PCM1: variants seen among roughly 807,000 people sequenced by gnomAD.
PCM1 encodes pericentriolar material 1, also known as pericentriolar material 1 protein.
A neutral mutation model predicts 241.9 loss-of-function variants in PCM1; 157 were observed. The observed-to-expected ratio is 0.65, with a 90% CI of 0.57 to 0.74. The LOEUF is 0.74. Ranked by LOEUF, PCM1 falls within the 30% of genes least tolerant of loss-of-function variation. The pLI is 0.00. For missense variants in PCM1, 3,478 were observed against 2,360.1 expected, an observed-to-expected ratio of 1.47 and a Z score of -9.81; for synonymous variants, 1,085 against 784.9, an observed-to-expected ratio of 1.38 and a Z score of -6.39.
At position 17,991,692 on chromosome 8, in the gene PCM1, A is replaced by G. The variant is rs2084682685; in HGVS notation, c.4682A>G (p.Asn1561Ser). 6.5e-7 allele frequency: 1 copy of G among 1,548,150 alleles called. No homozygotes were observed. The highest frequency in any genetic ancestry group is 1.4e-5 in the African/African-American group (1 of 72,842). ...DGAGAGTTVNNLEETPVIENR... is the reference protein window; with the variant it reads ...DGAGAGTTVNSLEETPVIENR... ...GCTGGTGCAGGTACTACAGTTAATAATTTAGAAGGTATATATTTTTGTTTT... is the reference window on the plus strand; with the variant it reads ...GCTGGTGCAGGTACTACAGTTAATAGTTTAGAAGGTATATATTTTTGTTTT... The change falls in exon 28 of 39, where the codon AAT becomes AGT. Residue 1561 changes from asparagine to serine, a missense_variant. Transcript: ENST00000325083.
chr8:18,020,685 GAACT>G, intron 36 of PCM1, among the ~76,000 whole-genome samples: 1 of 152,330 alleles, frequency 6.6e-6, no homozygotes, highest in Middle Eastern at 3.4e-3. Context: ...AACTCAGTAT[GAACT>G]AATAGAAAAG....
In PCM1 at chr8:17,999,563, G is replaced by GCT. The variant is rs200589798; in HGVS notation, c.4827+5948_4827+5949dup. On this transcript the variant is annotated intron_variant, in intron 29 of 38. Coordinates refer to ENST00000325083, the MANE Select transcript of PCM1 (RefSeq NM_006197.4). ...CAACACAAAGTCCTTTTTACTCCTTGCTCTCGTCTCCTCAAGCAGAAGGAG... is the reference window on the plus strand; with the variant it reads ...CAACACAAAGTCCTTTTTACTCCTTGCTCTCTCGTCTCCTCAAGCAGAAGGAG... Among the ~76,000 whole-genome samples, 1,199 of 152,058 alleles carry GCT rather than the reference G, an allele frequency of 7.9e-3. 11 individuals carry two copies. The highest frequency in any genetic ancestry group is 0.026 in the African/African-American group (1,081 of 41,462).
intron 3 of PCM1, 110 bp from the exon 4 acceptor site, chr8:17,937,024 A>C: frequency 1.2e-6 from 1 of 818,142 alleles, no homozygotes; most frequent in Non-Finnish European, 1.9e-6. Flanking sequence ...GTCTGTCAAA[A>C]ATGTCTTGTC....
intron 36 of PCM1, among the ~76,000 whole-genome samples, chr8:18,023,873 C>T (rs1365186191): frequency 6.6e-6 from 1 of 152,168 alleles, no homozygotes; most frequent in Admixed American, 6.5e-5. Context: ...CCCAACATAA[C>T]TTTTGATGAT....
At chr8:17,952,834 G>A in intron 8 of PCM1, 136 bp from the exon 9 acceptor site, 1 of 599,494 alleles carries the variant, frequency 1.7e-6, no homozygotes, top group Non-Finnish European at 2.9e-6. Context: ...AATAGTAAGG[G>A]TATATACTTA....
rs1439718248 is a variant in PCM1 at position 18,027,740 on chromosome 8, A to T, written c.*78A>T. 1.9e-6 allele frequency: 2 copies of T among 1,031,612 alleles called. No homozygotes were observed. Among genetic ancestry groups the T allele is most frequent in the African/African-American group, 3.2e-5 (2 of 63,238 alleles). 63.9% of individuals were successfully genotyped at this position (1,031,612 alleles called of 1,614,324 possible). On this transcript the variant is annotated 3_prime_UTR_variant, in exon 39 of 39. Coordinates refer to ENST00000325083, the MANE Select transcript of PCM1 (RefSeq NM_006197.4). ...GAAAACAATACTAAATAAACATCTGATCTGTATAAAAATGTAAATTAGTTT... is the reference window on the plus strand; with the variant it reads ...GAAAACAATACTAAATAAACATCTGTTCTGTATAAAAATGTAAATTAGTTT...
At position 18,028,175 on chromosome 8, in the gene PCM1, G is replaced by A. The variant is rs1382228549; in HGVS notation, c.*513G>A. On this transcript the variant is annotated 3_prime_UTR_variant, in exon 39 of 39. Transcript: ENST00000325083. ...GATGTTCTTCTTTTAGATACCTGCA[G>A]GTCCTATTCCTGTGCAAGAATAGGG... 1 of 193,048 alleles carries A rather than the reference G, an allele frequency of 5.2e-6. No individual in the cohort carries two copies. The highest frequency in any genetic ancestry group is 1.1e-5 in the Non-Finnish European group (1 of 92,716). The allele number at this position is 193,048 out of a possible 1,614,324, so 12.0% of individuals were successfully genotyped here. A position where few individuals can be genotyped will look rare whatever the true frequency, so the allele number is the denominator to read the frequency against.
At chr8:17,946,994 A>T (rs1022633555) in intron 6 of PCM1, among the ~76,000 whole-genome samples, 192 bp from the exon 7 acceptor site, 2 of 151,632 alleles carry the variant, frequency 1.3e-5, no homozygotes, top group Non-Finnish European at 2.9e-5. Context: ...TTACCTCTTA[A>T]GTGGCAGGCT....
rs2077184504 is a variant in PCM1 at position 17,972,516 on chromosome 8, C to T, written c.3772C>T (p.Leu1258=). The T allele has an allele frequency of 5.6e-6, 9 of 1,613,934 alleles. No individual in the cohort carries two copies. The highest frequency in any genetic ancestry group is 5.3e-5 in the African/African-American group (4 of 75,058). Residue 1258 remains leucine, a synonymous_variant, in exon 23 of 39, where the codon CTG becomes TTG. Transcript: ENST00000325083. Reference sequence around the variant, plus strand: ...AAGACGCCAGTTTGATGAAGAATCACTGGAAAGCTTTAGCAGTATGCCTGA... The same window carrying T: ...AAGACGCCAGTTTGATGAAGAATCATTGGAAAGCTTTAGCAGTATGCCTGA... ...GRRRQFDEES[L]ESFSSMPDPV... is the part of the protein sequence containing the mutation.
chr8:17,955,797 G>A (rs2068093365), intron 10 of PCM1, 144 bp downstream of exon 10: 1 of 673,166 alleles, frequency 1.5e-6, no homozygotes, highest in Non-Finnish European at 2.6e-6. Context: ...AGAGGCGTGT[G>A]TGTGTTGTGT....
chr8:17,983,142 C>T, intron 24 of PCM1: 1 of 504,302 alleles, frequency 2.0e-6, no homozygotes, highest in Non-Finnish European at 3.0e-6. Flanking sequence ...TCGCTTATTT[C>T]TTTTTTTCAT....
At chr8:17,974,021 T>C (rs1418047268) in intron 23 of PCM1, among the ~76,000 whole-genome samples, 2 of 152,246 alleles carry the variant, frequency 1.3e-5, no homozygotes, top group African/African-American at 2.4e-5. Context: ...CCTTGGCTCC[T>C]ACCTTGAACC....
intron 34 of PCM1, among the ~76,000 whole-genome samples, chr8:18,012,208 A>T (rs2092618253): frequency 6.6e-6 from 1 of 152,074 alleles, no homozygotes; most frequent in Non-Finnish European, 1.5e-5. Flanking sequence ...GGTGTGATTA[A>T]ATTTCACACC....
rs2092342142 is a variant in PCM1, at chr8:18,010,592, ATTGAT to A, written c.5161-13_5161-9del. 1 of 1,572,516 alleles carries A rather than the reference ATTGAT, an allele frequency of 6.4e-7. No individual in the cohort carries two copies. The highest frequency in any genetic ancestry group is 1.2e-5 in the South Asian group (1 of 86,246). ...TAAGTATGTTGCTAAATTCTGTGTA[ATTGAT>A]TTGTTTTAAAGGCTAAAAGGATTCT... On this transcript the variant is annotated splice_polypyrimidine_tract_variant and intron_variant, in intron 31 of 38. Transcript: ENST00000325083.
intron 22 of PCM1, among the ~76,000 whole-genome samples, chr8:17,971,226 G>C (rs2076746410): frequency 1.3e-5 from 2 of 152,172 alleles, no homozygotes; most frequent in Non-Finnish European, 2.9e-5. Context: ...CAGGCAGCAG[G>C]CTGAATTTGG....
intron 27 of PCM1, 55 bp downstream of exon 27, chr8:17,990,034 C>G (rs2083980808): frequency 4.3e-6 from 6 of 1,394,406 alleles, no homozygotes; most frequent in Admixed American, 2.8e-5. Context: ...CTGGTCCAGT[C>G]TTTGAATTGG....
At chr8:18,003,438 T>A (rs973230194) in intron 29 of PCM1, among the ~76,000 whole-genome samples, 1 of 152,192 alleles carries the variant, frequency 6.6e-6, no homozygotes, top group African/African-American at 2.4e-5. Context: ...CCACATTATG[T>A]CCTTTACCTA....
Position 17,957,710 on chromosome 8 carries a change from A to G in PCM1, c.1975A>G (p.Ile659Val). ...AGAAGATGCTGAATTTGAACAGAAGATCAACCGACTTATGGCTGCAAAACA... is the reference window on the plus strand; with the variant it reads ...AGAAGATGCTGAATTTGAACAGAAGGTCAACCGACTTATGGCTGCAAAACA... The part of the protein sequence containing the change: ...HPEDAEFEQK[I>V]NRLMAAKQKL... The change falls in exon 13 of 39, where the codon ATC becomes GTC. Residue 659 changes from isoleucine (I) to valine (V), a missense_variant. Ile to Val is a conservative substitution (Grantham distance 29). Transcript: ENST00000325083. 3 of 1,613,520 alleles carry G rather than the reference A, an allele frequency of 1.9e-6. No homozygotes were observed. The highest frequency in any genetic ancestry group is 2.5e-6 in the Non-Finnish European group (3 of 1,179,708).
At chr8:18,010,569 A>AGTAT in intron 31 of PCM1, 40 bp from the exon 32 acceptor site, 1 of 1,445,160 alleles carries the variant, frequency 6.9e-7, no homozygotes, top group Non-Finnish European at 9.6e-7. Context: ...TATGTATCTA[A>AGTAT]GTATGTTGCT....
Sources: gnomAD v4.1 joint callset for allele counts (sites outside exome capture counted in the v4.1 genomes callset) on GRCh38, gnomAD v4.1.1 for gene constraint, MANE v1.5 for transcripts, NCBI Gene and HGNC (gene_info 2026-07-23, HGNC 2026-07-21) for gene names.